The following ELAVL2 variants were observed in gnomAD, a reference collection of about 807,000 sequenced individuals.
ELAVL2 encodes ELAV like RNA binding protein 2, also known as ELAV-like protein 2.
In ELAVL2, 4 loss-of-function variants were observed where a neutral mutation model predicts 34.6. That is an observed-to-expected ratio of 0.12 (90% CI 0.06 to 0.26). The LOEUF (loss-of-function observed/expected upper bound fraction) is 0.26, where lower values mean the gene tolerates loss of function less well. Among genes scored for constraint, ELAVL2 ranks in the 10% least tolerant of loss-of-function variants. ELAVL2 has a pLI of 1.00. For missense variants in ELAVL2, 432 were observed against 442.8 expected, an observed-to-expected ratio of 0.98 and a Z score of 0.22; for synonymous variants, 193 against 154.8, an observed-to-expected ratio of 1.25 and a Z score of -1.83.
chr9:23,736,998 T>C lies in ELAVL2; in HGVS notation c.230-5873A>G, dbSNP rs985185493. Among the ~76,000 whole-genome samples, 3 of 152,290 alleles carry C rather than the reference T, an allele frequency of 2.0e-5. No homozygotes were observed. In the East Asian group the frequency reaches 5.8e-4, roughly 30 times the overall value. ...TTTGAGACTCTCTGAAGTCATTTCC[T>C]GCCACAACTTGCCCCATCCCCAGTG... On this transcript the variant is annotated intron_variant, in intron 2 of 6. Coordinates refer to ENST00000397312, the MANE Select transcript of ELAVL2 (RefSeq NM_004432.5).
chr9:23,814,761 C>T (rs2063483075), intron 1 of ELAVL2, among the ~76,000 whole-genome samples: 1 of 152,002 alleles, frequency 6.6e-6, no homozygotes, highest in East Asian at 1.9e-4. Context: ...GGTGGATGAC[C>T]CCCTCACCTG....
chr9:23,750,545 C>T (rs1160583379), intron 2 of ELAVL2, among the ~76,000 whole-genome samples: 1 of 152,008 alleles, frequency 6.6e-6, no homozygotes, highest in African/African-American at 2.4e-5. Context: ...CATATAATGG[C>T]AAAATCACTT....
In ELAVL2 at chr9:23,704,909, T is replaced by C; in HGVS notation, c.487+9A>G. The C allele has an allele frequency of 6.2e-7, 1 of 1,613,892 alleles. No homozygotes were observed. The highest frequency in any genetic ancestry group is 8.5e-7 in the Non-Finnish European group (1 of 1,179,862). ...AGGGAAAGACTGTCCGGAGTGGCTGTCTACTTACCAGTGACCTGGTCGACA... is the reference window on the plus strand; with the variant it reads ...AGGGAAAGACTGTCCGGAGTGGCTGCCTACTTACCAGTGACCTGGTCGACA... On this transcript the variant is annotated intron_variant, in intron 4 of 6. Coordinates refer to ENST00000397312, the MANE Select transcript of ELAVL2 (RefSeq NM_004432.5).
At chr9:23,849,685 C>G in the ELAVL2 span, 1 of 152,298 alleles carries the variant, frequency 6.6e-6, no homozygotes, top group East Asian at 1.9e-4. Context: ...CTATTACCAT[C>G]CCAAGAGTAT....
chr9:23,728,460 C>T (rs1215098750), intron 3 of ELAVL2, among the ~76,000 whole-genome samples: 2 of 152,030 alleles, frequency 1.3e-5, no homozygotes, highest in African/African-American at 2.4e-5. Flanking sequence ...CAGTGGAGAA[C>T]GGCAATAGCA....
In ELAVL2 at chr9:23,778,275, CT is replaced by C. The variant is rs796637559; in HGVS notation, c.-15-16027del. Among the ~76,000 whole-genome samples, 77 of 152,320 alleles carry C rather than the reference CT, an allele frequency of 5.1e-4. 1 individual carries two copies. The highest frequency in any genetic ancestry group is 1.8e-3 in the African/African-American group (76 of 41,570). On this transcript the variant is annotated intron_variant, in intron 1 of 6. Transcript: ENST00000397312. ...ACAAAAACAAGCAGATTCTGTAACT[CT>C]CCTCAACCTCCAGGCCAAAGTTCGG...
At position 23,703,444 on chromosome 9, in the gene ELAVL2, G is replaced by A. The variant is rs77133026; in HGVS notation, c.487+1474C>T. Reference sequence around the variant, plus strand: ...ATTAACTAACACAATTAAGGAGGCTGTATTTTATATACTCTCACTTGACTA... The same window carrying A: ...ATTAACTAACACAATTAAGGAGGCTATATTTTATATACTCTCACTTGACTA... On this transcript the variant is annotated intron_variant, in intron 4 of 6. Transcript: ENST00000397312. Among the ~76,000 whole-genome samples the A allele has an allele frequency of 2.0e-3, 310 of 152,304 alleles. 7 individuals carry two copies. In the East Asian group the frequency reaches 0.034, roughly 17 times the overall value.
intron 1 of ELAVL2, among the ~76,000 whole-genome samples, chr9:23,763,671 A>C (rs992920056): frequency 6.6e-6 from 1 of 152,180 alleles, no homozygotes; most frequent in African/African-American, 2.4e-5. Context: ...AGATAAACAT[A>C]TAGGAAGAAA....
At chr9:23,741,280 C>T (rs10811965) in intron 2 of ELAVL2, among the ~76,000 whole-genome samples, 39,366 of 151,940 alleles carry the variant, frequency 0.26, 5,432 homozygotes, top group East Asian at 0.4. Context: ...GTAAGCAAAC[C>T]GACCCCCCAT....
chr9:23,801,402 T>C (rs983215179), intron 1 of ELAVL2, among the ~76,000 whole-genome samples: 1 of 152,160 alleles, frequency 6.6e-6, no homozygotes, highest in Non-Finnish European at 1.5e-5. Flanking sequence ...GGAAAAGTTA[T>C]ACTGTCATTC....
rs561378729 is a variant in ELAVL2, at chr9:23,769,934, C to G, written c.-15-7685G>C. Reference sequence around the variant, plus strand: ...AGAGGTAAGATAATGAGTTTAGGGTCCCAAGTCCTTCTCTTCAGTCTAAGT... The same window carrying G: ...AGAGGTAAGATAATGAGTTTAGGGTGCCAAGTCCTTCTCTTCAGTCTAAGT... On this transcript the variant is annotated intron_variant, in intron 1 of 6. Coordinates refer to ENST00000397312, the MANE Select transcript of ELAVL2 (RefSeq NM_004432.5). Among the ~76,000 whole-genome samples the G allele has an allele frequency of 3.3e-5, 5 of 152,214 alleles. No individual in the cohort carries two copies. In the South Asian group the frequency reaches 8.3e-4, roughly 25 times the overall value.
intron 2 of ELAVL2, among the ~76,000 whole-genome samples, chr9:23,754,877 G>A (rs1055113991): frequency 6.6e-6 from 1 of 152,138 alleles, no homozygotes; most frequent in Non-Finnish European, 1.5e-5. Context: ...ATGGGAAGAT[G>A]TCTCTCTGTC....
chr9:23,724,343 T>C (rs2044530176), intron 3 of ELAVL2, among the ~76,000 whole-genome samples: 1 of 152,110 alleles, frequency 6.6e-6, no homozygotes, highest in Non-Finnish European at 1.5e-5. Context: ...GGAAATCCAT[T>C]GGAAGAATGC....
At position 23,690,626 on chromosome 9, in the gene ELAVL2, AACT is replaced by A. The variant is rs1315115988; in HGVS notation, c.*1928_*1930del. 4 of 152,514 alleles carry A rather than the reference AACT, an allele frequency of 2.6e-5. No individual in the cohort carries two copies. Among genetic ancestry groups the A allele is most frequent in the Non-Finnish European group, 4.4e-5 (3 of 67,994 alleles). The allele number at this position is 152,514 out of a possible 1,614,324, so 9.4% of individuals were successfully genotyped here. A position where few individuals can be genotyped will look rare whatever the true frequency, so the allele number is the denominator to read the frequency against. ...ACTGTACTATACTGAAAAATTTTAT[AACT>A]ACAATTTTAAATAATAAAAAATAAA... On this transcript the variant is annotated 3_prime_UTR_variant, in exon 7 of 7. Coordinates refer to ENST00000397312, the MANE Select transcript of ELAVL2 (RefSeq NM_004432.5).
At chr9:23,826,540 C>T (rs1337759255), upstream of ELAVL2, among the ~76,000 whole-genome samples, 3 of 152,208 alleles carry the variant, frequency 2.0e-5, no homozygotes, top group Non-Finnish European at 4.4e-5. Flanking sequence ...GGGAGGTACA[C>T]TCTTAACACT....
intron 1 of ELAVL2, among the ~76,000 whole-genome samples, chr9:23,791,611 C>G (rs149973811): frequency 2.0e-5 from 3 of 150,408 alleles, no homozygotes; most frequent in Non-Finnish European, 4.4e-5. Context: ...TAAATGAGGT[C>G]ACAAGTATGG....
chr9:23,763,168 C>G (rs1413308562), intron 1 of ELAVL2, among the ~76,000 whole-genome samples: 1 of 152,034 alleles, frequency 6.6e-6, no homozygotes, highest in Non-Finnish European at 1.5e-5. Flanking sequence ...AGCACATAAG[C>G]CTGTTGAAAA....
At chr9:23,701,097 C>T (rs2037039985) in intron 5 of ELAVL2, among the ~76,000 whole-genome samples, 2 of 152,156 alleles carry the variant, frequency 1.3e-5, no homozygotes, top group Non-Finnish European at 2.9e-5. Context: ...ACATGAATAC[C>T]TCTAGACATT....
At chr9:23,770,076 C>T (rs916685105) in intron 1 of ELAVL2, among the ~76,000 whole-genome samples, 3 of 152,176 alleles carry the variant, frequency 2.0e-5, no homozygotes, top group African/African-American at 4.8e-5. Flanking sequence ...GCAGCTCCCA[C>T]GAATTCAGGA....
Sources: allele counts gnomAD v4.1 joint callset (sites outside exome capture counted in the v4.1 genomes callset), GRCh38; gene constraint gnomAD v4.1.1; transcripts MANE v1.5; gene names NCBI Gene and HGNC (gene_info 2026-07-23, HGNC 2026-07-21).